Variants in PCDH11X observed in about 807,000 individuals in gnomAD.
PCDH11X encodes the protein protocadherin-11 X-linked.
In PCDH11X, 18 loss-of-function variants were observed where a neutral mutation model predicts 53.3. That is an observed-to-expected ratio of 0.34 (90% CI 0.23 to 0.50). The LOEUF (loss-of-function observed/expected upper bound fraction) is 0.50. Ranked by LOEUF, PCDH11X falls within the 20% of genes least tolerant of loss-of-function variation. The pLI is 0.98. For synonymous variants in PCDH11X, 279 were observed against 393.3 expected (o/e 0.71, Z 3.44); for missense variants, 570 against 1,032.4 (o/e 0.55, Z 6.14).
Position 91,793,163 on chromosome X carries a change from T to C in PCDH11X, c.-379+13479T>C, listed in dbSNP as rs773511779. ...ACAGTTCTGTGAAACAGGTATTGCA[T>C]ATATTATATATTTTTAACATATGAG... On this transcript the variant is annotated intron_variant, in intron 1 of 10. Transcript: ENST00000682573. Among the ~76,000 whole-genome samples the C allele has an allele frequency of 3.5e-4, 38 of 108,021 alleles. 1 individual carries two copies. The East Asian group carries it at 9.9e-3, about 28-fold the overall frequency. The allele number at this position is 108,021 out of a possible 115,157, so 93.8% of individuals were successfully genotyped here. A position where few individuals can be genotyped will look rare whatever the true frequency, so the allele number is the denominator to read the frequency against.
rs190424014 is a variant in PCDH11X at position 92,621,011 on chromosome X, C to T, written c.*2071C>T. The T allele has an allele frequency of 1.9e-5, 2 of 106,813 alleles. No individual in the cohort carries two copies. Among genetic ancestry groups the T allele is most frequent in the South Asian group, 8.0e-4 (2 of 2,487 alleles). 8.8% of individuals were successfully genotyped at this position (106,813 alleles called of 1,213,427 possible). The stretch of plus-strand genomic sequence containing the variant: ...CAATAGTGACAAAAATCAGTGCTTC[C>T]AGTAGATTTTAGAACATTCTTTGCC... On this transcript the variant is annotated 3_prime_UTR_variant, in exon 11 of 11. Transcript: ENST00000682573.
chrX:92,215,880 C>A (rs1277933843), intron 7 of PCDH11X, among the ~76,000 whole-genome samples: 1 of 109,521 alleles, frequency 9.1e-6, no homozygotes, highest in African/African-American at 3.3e-5. Context: ...GATCAGACAG[C>A]AGCATTCGCG....
At chrX:92,093,243 T>C (rs1319360499) in intron 6 of PCDH11X, among the ~76,000 whole-genome samples, 1 of 111,736 alleles carries the variant, frequency 8.9e-6, no homozygotes, top group Non-Finnish European at 1.9e-5. Context: ...GACTATTGTG[T>C]GGCGAGAGGG....
chrX:92,459,050 C>T (rs35704033), intron 9 of PCDH11X, among the ~76,000 whole-genome samples: 2 of 105,942 alleles, frequency 1.9e-5, no homozygotes, highest in Non-Finnish European at 3.9e-5. Context: ...GTGATTGCCT[C>T]TCTTTTGGAT....
chrX:92,172,157 A>G (rs945636185), intron 6 of PCDH11X, among the ~76,000 whole-genome samples: 5 of 110,521 alleles, frequency 4.5e-5, no homozygotes, highest in Admixed American at 3.9e-4. Context: ...TGTCCTAGCT[A>G]GAACCTCCAG....
intron 6 of PCDH11X, among the ~76,000 whole-genome samples, chrX:92,081,089 T>C (rs1295249284): frequency 1.8e-5 from 2 of 111,636 alleles, no homozygotes; most frequent in African/African-American, 6.5e-5. Context: ...TGGCATACTT[T>C]GGAGCAGTGT....
intron 7 of PCDH11X, among the ~76,000 whole-genome samples, chrX:92,221,280 C>T (rs12843510): frequency 0.24 from 714 of 2,969 alleles, 15 homozygotes; most frequent in East Asian, 0.47. Flanking sequence ...TTGTATACAA[C>T]ACACACACAC....
intron 8 of PCDH11X, among the ~76,000 whole-genome samples, chrX:92,360,212 T>C (rs1289328544): frequency 1.8e-5 from 2 of 111,651 alleles, no homozygotes; most frequent in African/African-American, 6.5e-5. Context: ...ACTTTACACA[T>C]TGTATACAGT....
chrX:92,311,895 G>A (rs1204535738), intron 8 of PCDH11X, among the ~76,000 whole-genome samples: 2 of 111,530 alleles, frequency 1.8e-5, no homozygotes, highest in South Asian at 7.4e-4. Flanking sequence ...TGATAAGGAA[G>A]CAGTAGGATA....
rs372591723 is a variant in PCDH11X at position 91,781,944 on chromosome X, A to C, written c.-379+2260A>C. On this transcript the variant is annotated intron_variant, in intron 1 of 10. Coordinates refer to ENST00000682573, the MANE Select transcript of PCDH11X (RefSeq NM_032968.5). ...AGCTGCCAGGTCGCCACACTCGCCA[A>C]GCGGCGAGGGAGCGCCTTTGCCTAC... 8.0e-5 allele frequency among the ~76,000 whole-genome samples: 9 copies of C among 112,110 alleles called. No homozygotes were observed. The Admixed American group carries it at 8.4e-4, about 10-fold the overall frequency.
intron 8 of PCDH11X, among the ~76,000 whole-genome samples, chrX:92,338,855 C>G (rs958807597): frequency 6.3e-5 from 7 of 111,705 alleles, no homozygotes; most frequent in African/African-American, 2.0e-4. Context: ...TGGTGGGCTG[C>G]TCAAAGCTAT....
intron 8 of PCDH11X, among the ~76,000 whole-genome samples, chrX:92,380,472 C>G (rs2754865): frequency 8.9e-6 from 1 of 112,213 alleles, no homozygotes; most frequent in South Asian, 3.6e-4. Flanking sequence ...GGTGAAGCAA[C>G]ACCCCGAAGA....
intron 7 of PCDH11X, among the ~76,000 whole-genome samples, chrX:92,231,517 G>A (rs1335755712): frequency 1.8e-5 from 2 of 111,652 alleles, no homozygotes; most frequent in African/African-American, 6.5e-5. Context: ...ATGAGCTGGG[G>A]AAATTCCATT....
intron 7 of PCDH11X, among the ~76,000 whole-genome samples, chrX:92,212,955 G>C (rs1441436235): frequency 8.9e-6 from 1 of 112,099 alleles, no homozygotes; most frequent in Non-Finnish European, 1.9e-5. Context: ...ATGTTCTTTA[G>C]AAACATAAGC....
intron 8 of PCDH11X, among the ~76,000 whole-genome samples, chrX:92,358,119 T>C (rs1411745216): frequency 1.9e-5 from 2 of 106,171 alleles, no homozygotes; most frequent in Non-Finnish European, 3.9e-5. Context: ...TCGGATATGT[T>C]GATTTTGAAA....
At chrX:92,277,838 A>C (rs2068141651) in intron 8 of PCDH11X, among the ~76,000 whole-genome samples, 1 of 110,952 alleles carries the variant, frequency 9.0e-6, no homozygotes, top group Non-Finnish European at 1.9e-5. Flanking sequence ...TCCCCCAGAA[A>C]AGCAGAGAAG....
In PCDH11X at chrX:92,123,401, G is replaced by A. The variant is rs773847583; in HGVS notation, c.3034-77974G>A. Reference sequence around the variant, plus strand: ...TGTAAGTGTCGTTTCTCAGAGGTCAGTACTAGGCCACCATCTACTTTTTTT... The same window carrying A: ...TGTAAGTGTCGTTTCTCAGAGGTCAATACTAGGCCACCATCTACTTTTTTT... On this transcript the variant is annotated intron_variant, in intron 6 of 10. Coordinates refer to ENST00000682573, the MANE Select transcript of PCDH11X (RefSeq NM_032968.5). Among the ~76,000 whole-genome samples, 6 of 111,548 alleles carry A rather than the reference G, an allele frequency of 5.4e-5. No individual in the cohort carries two copies. In the South Asian group the frequency reaches 1.9e-3, roughly 35 times the overall value.
intron 6 of PCDH11X, among the ~76,000 whole-genome samples, chrX:92,192,106 C>G (rs1477451803): frequency 9.0e-6 from 1 of 110,937 alleles, no homozygotes; most frequent in Non-Finnish European, 1.9e-5. Context: ...TGAAGGAGAA[C>G]CATTCTGTCT....
chrX:92,337,621 G>A (rs1245613741), intron 8 of PCDH11X, among the ~76,000 whole-genome samples: 1 of 110,042 alleles, frequency 9.1e-6, no homozygotes, highest in Non-Finnish European at 1.9e-5. Context: ...TGAACAAACT[G>A]TGTAATAGAG....
Sources: gnomAD v4.1 joint callset for allele counts (sites outside exome capture counted in the v4.1 genomes callset) on GRCh38, gnomAD v4.1.1 for gene constraint, MANE v1.5 for transcripts, NCBI Gene and HGNC (gene_info 2026-07-23, HGNC 2026-07-21) for gene names.